The following ZDHHC2 variants were observed in gnomAD, a reference collection of about 807,000 sequenced individuals.
ZDHHC2 encodes zDHHC palmitoyltransferase 2, also known as palmitoyltransferase ZDHHC2.
A neutral mutation model predicts 55.6 loss-of-function variants in ZDHHC2; 51 were observed. The observed-to-expected ratio is 0.92, with a 90% CI of 0.73 to 1.16. The LOEUF (loss-of-function observed/expected upper bound fraction) is 1.16, where lower values mean the gene tolerates loss of function less well. Among genes scored for constraint, ZDHHC2 ranks in the 50% most tolerant of loss-of-function variants. ZDHHC2 has a pLI of 0.00. For missense variants in ZDHHC2, 491 were observed against 442.4 expected (o/e 1.11, Z -0.99); for synonymous variants, 199 against 152.9 (o/e 1.30, Z -2.22).
At chr8:17,183,659 A>T (rs1402852976) in intron 1 of ZDHHC2, among the ~76,000 whole-genome samples, 1 of 152,232 alleles carries the variant, frequency 6.6e-6, no homozygotes, top group African/African-American at 2.4e-5. Context: ...TATAACATCA[A>T]ATATGTGAAG....
intron 1 of ZDHHC2, among the ~76,000 whole-genome samples, chr8:17,181,815 A>G (rs1220088366): frequency 2.0e-5 from 3 of 152,144 alleles, no homozygotes; most frequent in East Asian, 1.9e-4. Flanking sequence ...ATGAGTCTCT[A>G]TTTTTCATAT....
intron 9 of ZDHHC2, 52 bp downstream of exon 9, chr8:17,210,110 A>C: frequency 6.5e-7 from 1 of 1,536,322 alleles, no homozygotes; most frequent in Non-Finnish European, 8.8e-7. Flanking sequence ...ATAATACAGC[A>C]AAAGATAGTT....
chr8:17,188,161 A>G (rs1365424559), intron 3 of ZDHHC2, among the ~76,000 whole-genome samples: 5 of 152,136 alleles, frequency 3.3e-5, no homozygotes, highest in Admixed American at 1.3e-4. Flanking sequence ...ACTTTTTGCA[A>G]TGTTTGTCTG....
At chr8:17,211,618 A>T (rs1807388767) in intron 10 of ZDHHC2, among the ~76,000 whole-genome samples, 1 of 152,064 alleles carries the variant, frequency 6.6e-6, no homozygotes, top group South Asian at 2.1e-4. Context: ...GCCCTTTTAA[A>T]TTGGGAATTA....
chr8:17,156,550 C>A lies in ZDHHC2; in HGVS notation c.-174C>A. The stretch of plus-strand genomic sequence containing the variant: ...GGGCTGAGGAGCCGGGAGTCCGCCG[C>A]GCCGGCTCGGGGCTGCGGGATGGGG... On this transcript the variant is annotated 5_prime_UTR_variant, in exon 1 of 13. Coordinates refer to ENST00000262096, the MANE Select transcript of ZDHHC2 (RefSeq NM_016353.5). 9.4e-6 allele frequency: 3 copies of A among 319,206 alleles called. No individual in the cohort carries two copies. Among genetic ancestry groups the A allele is most frequent in the African/African-American group, 2.3e-5 (1 of 44,228 alleles). 19.8% of individuals were successfully genotyped at this position (319,206 alleles called of 1,614,324 possible).
chr8:17,162,383 T>G (rs1209495074), intron 1 of ZDHHC2, among the ~76,000 whole-genome samples: 1 of 152,156 alleles, frequency 6.6e-6, no homozygotes, highest in Admixed American at 6.5e-5. Context: ...TGAGGCTTAT[T>G]ATGGAAAAGT....
At chr8:17,186,461 A>G (rs1805716065) in intron 3 of ZDHHC2, 36 bp downstream of exon 3, 1 of 1,267,686 alleles carries the variant, frequency 7.9e-7, no homozygotes, top group Non-Finnish European at 1.1e-6. Context: ...TTCTAATAAT[A>G]GAAATCAATA....
At chr8:17,200,575 C>G (rs769490829) in intron 6 of ZDHHC2, among the ~76,000 whole-genome samples, 1 of 152,186 alleles carries the variant, frequency 6.6e-6, no homozygotes, top group South Asian at 2.1e-4. Context: ...CAGGTCAGTA[C>G]ATACCTATAA....
chr8:17,195,792 T>C (rs1006802983), intron 4 of ZDHHC2, among the ~76,000 whole-genome samples, 168 bp downstream of exon 4: 2 of 152,202 alleles, frequency 1.3e-5, no homozygotes, highest in Non-Finnish European at 2.9e-5. Flanking sequence ...TAAAACAGAA[T>C]GGAAACACGA....
In ZDHHC2 at chr8:17,224,324, T is replaced by C. The variant is rs1246665817; in HGVS notation, c.*4103T>C. ...TCAGTATTTCTGTATTGTTTACAAT[T>C]GGGGGAAAATGTCTGTTAAGGCTAA... On this transcript the variant is annotated 3_prime_UTR_variant, in exon 13 of 13. Coordinates refer to ENST00000262096, the MANE Select transcript of ZDHHC2 (RefSeq NM_016353.5). 1 of 151,710 alleles carries C rather than the reference T, an allele frequency of 6.6e-6. No individual in the cohort carries two copies. The highest frequency in any genetic ancestry group is 1.5e-5 in the Non-Finnish European group (1 of 67,714). 9.4% of individuals were successfully genotyped at this position (151,710 alleles called of 1,614,324 possible).
chr8:17,217,838 C>T (rs906288335), intron 12 of ZDHHC2, among the ~76,000 whole-genome samples: 11 of 151,942 alleles, frequency 7.2e-5, no homozygotes, highest in African/African-American at 2.7e-4. Context: ...AAAATATGAT[C>T]TGTTTGTAAG....
intron 6 of ZDHHC2, among the ~76,000 whole-genome samples, chr8:17,199,760 TTC>T (rs1357152624): frequency 8.1e-5 from 12 of 147,418 alleles, no homozygotes; most frequent in African/African-American, 2.8e-4. Context: ...TTCTTTCTTC[TTC>T]TTTTTTTTTT....
At chr8:17,193,415 C>T (rs907924025) in intron 3 of ZDHHC2, among the ~76,000 whole-genome samples, 1 of 152,216 alleles carries the variant, frequency 6.6e-6, no homozygotes, top group Admixed American at 6.5e-5. Flanking sequence ...TGCTGAGCTG[C>T]CGGGAGCTGG....
chr8:17,173,517 A>AT (rs1485855720), intron 1 of ZDHHC2, among the ~76,000 whole-genome samples: 2 of 151,918 alleles, frequency 1.3e-5, no homozygotes, highest in African/African-American at 4.8e-5. Flanking sequence ...CGCTACAAAA[A>AT]AAAATAAAAT....
intron 1 of ZDHHC2, among the ~76,000 whole-genome samples, chr8:17,182,639 T>C (rs1805490832): frequency 6.6e-6 from 1 of 150,884 alleles, no homozygotes; most frequent in South Asian, 2.1e-4. Context: ...AAAAGCAAAC[T>C]GTGAATGGCA....
In ZDHHC2 at chr8:17,156,828, C is replaced by G; in HGVS notation, c.105C>G (p.Tyr35Ter). ...CCCTCCTGCTCGGCTGGTCCTACTA[C>G]GCCTACGCCATCCAGCTGTGCATAG... The part of the protein sequence containing the change: ...FITLLLGWSY[Y>*]AYAIQLCIVS... The change falls in exon 1 of 13, where the codon TAC becomes TAG. Residue 35 changes from tyrosine to a stop codon, truncating the protein, a stop_gained. Transcript: ENST00000262096. LOFTEE classifies it high-confidence loss of function. The G allele has an allele frequency of 6.6e-7, 1 of 1,520,068 alleles. No individual in the cohort carries two copies. Among genetic ancestry groups the G allele is most frequent in the South Asian group, 1.2e-5 (1 of 81,422 alleles). 94.2% of individuals were successfully genotyped at this position (1,520,068 alleles called of 1,614,324 possible).
chr8:17,212,770 C>T (rs1807448009), intron 10 of ZDHHC2, among the ~76,000 whole-genome samples: 1 of 152,090 alleles, frequency 6.6e-6, no homozygotes, highest in Non-Finnish European at 1.5e-5. Flanking sequence ...CATCACTTAA[C>T]AAGACTGATC....
intron 10 of ZDHHC2, among the ~76,000 whole-genome samples, chr8:17,211,990 A>T (rs73198539): frequency 0.036 from 5,469 of 152,196 alleles, 154 homozygotes; most frequent in Non-Finnish European, 0.052. Flanking sequence ...TTAAGAAATC[A>T]TTTTGGTTTT....
intron 5 of ZDHHC2, 148 bp from the exon 6 acceptor site, chr8:17,198,233 G>T: frequency 1.6e-6 from 1 of 627,310 alleles, no homozygotes; most frequent in Non-Finnish European, 2.5e-6. Flanking sequence ...GAGAACTTCT[G>T]CTATTATCCA....
Sources: allele counts gnomAD v4.1 joint callset (sites outside exome capture counted in the v4.1 genomes callset), GRCh38; gene constraint gnomAD v4.1.1; transcripts MANE v1.5; gene names NCBI Gene and HGNC (gene_info 2026-07-23, HGNC 2026-07-21).